The following MDGA2 variants were observed in gnomAD, a reference collection of about 807,000 sequenced individuals.
MDGA2 encodes the protein MAM domain-containing glycosylphosphatidylinositol anchor protein 2.
MDGA2 carries 40 observed loss-of-function variants against 117.8 expected under a neutral mutation model. The ratio of observed to expected loss-of-function variants is 0.34; its 90% CI spans 0.26 to 0.44. The LOEUF is 0.44. Among genes scored for constraint, MDGA2 ranks in the 20% least tolerant of loss-of-function variants. MDGA2 has a pLI of 1.00. For synonymous variants in MDGA2, 452 were observed against 439.0 expected (o/e 1.03, Z -0.37); for missense variants, 1,123 against 1,250.6 (o/e 0.90, Z 1.54).
At chr14:47,351,331 C>T (rs1288910519) in intron 1 of MDGA2, among the ~76,000 whole-genome samples, 3 of 152,136 alleles carry the variant, frequency 2.0e-5, no homozygotes, top group African/African-American at 7.2e-5. Context: ...ATCTGCCGGC[C>T]TCAGCCGCCC....
intron 1 of MDGA2, among the ~76,000 whole-genome samples, chr14:47,433,812 G>A (rs1239023176): frequency 1.3e-5 from 2 of 152,094 alleles, no homozygotes; most frequent in Admixed American, 1.3e-4. Flanking sequence ...ATCTAGCTAT[G>A]CAGGAAACTA....
At position 47,239,160 on chromosome 14, in the gene MDGA2, G is replaced by C. The variant is rs181463705; in HGVS notation, c.421-20965C>G. Among the ~76,000 whole-genome samples, 353 of 150,972 alleles carry C rather than the reference G, an allele frequency of 2.3e-3. 6 individuals carry two copies. The highest frequency in any genetic ancestry group is 8.2e-3 in the African/African-American group (339 of 41,242). ...CTAATATGAACCTCATGCTAGCTTGGGGGAAACAAAACATATTATGTGACC... is the reference window on the plus strand; with the variant it reads ...CTAATATGAACCTCATGCTAGCTTGCGGGAAACAAAACATATTATGTGACC... On this transcript the variant is annotated intron_variant, in intron 2 of 16. Coordinates refer to ENST00000399232, the MANE Select transcript of MDGA2 (RefSeq NM_001113498.3).
At chr14:47,370,186 T>C (rs1891314706) in intron 1 of MDGA2, among the ~76,000 whole-genome samples, 1 of 151,972 alleles carries the variant, frequency 6.6e-6, no homozygotes, top group Admixed American at 6.6e-5. Context: ...CTTAATATTA[T>C]TATGAGTGAT....
intron 3 of MDGA2, among the ~76,000 whole-genome samples, chr14:47,217,706 T>C (rs766275240): frequency 6.6e-6 from 1 of 152,118 alleles, no homozygotes; most frequent in Non-Finnish European, 1.5e-5. Context: ...AAAATGCATG[T>C]ATATCTTTAT....
intron 6 of MDGA2, among the ~76,000 whole-genome samples, chr14:47,084,127 TC>T (rs958395445): frequency 1.3e-5 from 2 of 152,120 alleles, no homozygotes; most frequent in African/African-American, 4.8e-5. Flanking sequence ...CTTCTCAAGT[TC>T]CCATGGAACA....
At chr14:47,327,672 T>A (rs1890182579) in intron 1 of MDGA2, among the ~76,000 whole-genome samples, 1 of 152,160 alleles carries the variant, frequency 6.6e-6, no homozygotes, top group Non-Finnish European at 1.5e-5. Context: ...ACTACACAAA[T>A]TATAAATTTA....
Position 47,304,350 on chromosome 14 carries a change from C to A in MDGA2, c.281-2800G>T, listed in dbSNP as rs375854562. Among the ~76,000 whole-genome samples the A allele has an allele frequency of 1.4e-4, 22 of 152,202 alleles. No homozygotes were observed. The East Asian group carries it at 3.7e-3, about 25-fold the overall frequency. On this transcript the variant is annotated intron_variant, in intron 1 of 16. Coordinates refer to ENST00000399232, the MANE Select transcript of MDGA2 (RefSeq NM_001113498.3). Reference sequence around the variant, plus strand: ...AGACCAAAGCCACTGGCCTATTGTTCTTTTCATTACTTGATGCTGTCTATT... The same window carrying A: ...AGACCAAAGCCACTGGCCTATTGTTATTTTCATTACTTGATGCTGTCTATT...
chr14:47,518,539 T>C (rs967054309), intron 1 of MDGA2, among the ~76,000 whole-genome samples: 1 of 152,230 alleles, frequency 6.6e-6, no homozygotes, highest in African/African-American at 2.4e-5. Flanking sequence ...AATATGCTCA[T>C]AATTTGCAAC....
rs577783162 is a variant in MDGA2, at chr14:46,847,988, A to G, written c.2884-2117T>C. Reference sequence around the variant, plus strand: ...AGAGAGTCAATGTTAGAGTAAATCAATAGTTAATATTAAATACTGCTTGTA... The same window carrying G: ...AGAGAGTCAATGTTAGAGTAAATCAGTAGTTAATATTAAATACTGCTTGTA... On this transcript the variant is annotated intron_variant, in intron 15 of 16. Transcript: ENST00000399232. 6.6e-4 allele frequency among the ~76,000 whole-genome samples: 100 copies of G among 152,120 alleles called. 4 individuals are homozygous for G. In the South Asian group the frequency reaches 0.02, roughly 31 times the overall value.
intron 9 of MDGA2, among the ~76,000 whole-genome samples, chr14:46,940,299 AT>A (rs1208947785): frequency 6.6e-6 from 1 of 152,196 alleles, no homozygotes; most frequent in Non-Finnish European, 1.5e-5. Flanking sequence ...ATATAAATGT[AT>A]TTAGTCTTGA....
intron 1 of MDGA2, among the ~76,000 whole-genome samples, chr14:47,609,465 A>ATATACATATATATATATATATATAT (rs1555336021): frequency 9.3e-6 from 1 of 107,386 alleles, no homozygotes. Context: ...ATATATATAT[A>ATATACATATATATATATATATATAT]AGTTTCTTTA....
chr14:47,206,151 G>A (rs1885674574), intron 3 of MDGA2, among the ~76,000 whole-genome samples: 1 of 152,018 alleles, frequency 6.6e-6, no homozygotes, highest in Non-Finnish European at 1.5e-5. Context: ...AAGATTATTA[G>A]TTACTTGCTC....
intron 2 of MDGA2, among the ~76,000 whole-genome samples, chr14:47,274,448 G>C (rs186984624): frequency 1.6e-4 from 24 of 152,130 alleles, no homozygotes; most frequent in South Asian, 8.3e-4. Flanking sequence ...TCATTGCATA[G>C]ATAGGCCACA....
intron 1 of MDGA2, among the ~76,000 whole-genome samples, chr14:47,672,889 C>T (rs1898101141): frequency 6.6e-6 from 1 of 152,064 alleles, no homozygotes; most frequent in African/African-American, 2.4e-5. Flanking sequence ...CTTTTCAGGC[C>T]CCACCTCCTG....
intron 1 of MDGA2, among the ~76,000 whole-genome samples, chr14:47,444,981 G>A (rs990628167): frequency 6.6e-6 from 1 of 152,168 alleles, no homozygotes; most frequent in Admixed American, 6.6e-5. Context: ...TGATGCATTT[G>A]AGAAAATTAA....
At chr14:47,293,126 G>C (rs1023029457) in intron 2 of MDGA2, among the ~76,000 whole-genome samples, 2 of 152,110 alleles carry the variant, frequency 1.3e-5, no homozygotes, top group African/African-American at 4.8e-5. Context: ...GTGTCCATCT[G>C]ACTACTGCAT....
intron 7 of MDGA2, among the ~76,000 whole-genome samples, chr14:47,055,713 C>CA (rs1288134544): frequency 2.6e-5 from 4 of 152,080 alleles, no homozygotes; most frequent in Admixed American, 2.0e-4. Context: ...AGCCTGTGGG[C>CA]AAAATATGGC....
rs372238884 is a variant in MDGA2 at position 47,171,776 on chromosome 14, G to C, written c.596-27502C>G. Among the ~76,000 whole-genome samples the C allele has an allele frequency of 7.7e-4, 118 of 152,280 alleles. 1 individual carries two copies. The highest frequency in any genetic ancestry group is 2.7e-3 in the African/African-American group (111 of 41,568). On this transcript the variant is annotated intron_variant, in intron 3 of 16. Coordinates refer to ENST00000399232, the MANE Select transcript of MDGA2 (RefSeq NM_001113498.3). Reference sequence around the variant, plus strand: ...GAGGTATTGTGTTCATCTCACTAGGGAGTGCCAGACAGTGGGCTCAGGACA... The same window carrying C: ...GAGGTATTGTGTTCATCTCACTAGGCAGTGCCAGACAGTGGGCTCAGGACA...
chr14:47,004,497 A>G (rs1478279134), intron 8 of MDGA2, among the ~76,000 whole-genome samples: 1 of 151,736 alleles, frequency 6.6e-6, no homozygotes, highest in African/African-American at 2.4e-5. Flanking sequence ...AGTGTTAGTC[A>G]CCCAACTTTG....
Sources: gnomAD v4.1 joint callset for allele counts (sites outside exome capture counted in the v4.1 genomes callset) on GRCh38, gnomAD v4.1.1 for gene constraint, MANE v1.5 for transcripts, NCBI Gene and HGNC (gene_info 2026-07-23, HGNC 2026-07-21) for gene names.